The following NPIPB13 variants were observed in gnomAD, a reference collection of about 807,000 sequenced individuals.
The protein encoded by NPIPB13 is nuclear pore complex-interacting protein family member B13.
intron 5 of NPIPB13, among the ~76,000 whole-genome samples, chr16:30,230,583 G>C (rs896335935): frequency 6.5e-5 from 2 of 30,864 alleles, no homozygotes; most frequent in African/African-American, 1.3e-4. Context: ...TATGCCTGTA[G>C]TCCCAGCTAC....
At chr16:30,244,438 C>T (rs2073601110) in intron 2 of NPIPB13, among the ~76,000 whole-genome samples, 1 of 112,180 alleles carries the variant, frequency 8.9e-6, no homozygotes, top group African/African-American at 3.4e-5. Flanking sequence ...TGTGCCATTG[C>T]ACTCCAGCCT....
chr16:30,244,526 T>A (rs2073602416), intron 2 of NPIPB13, among the ~76,000 whole-genome samples: 1 of 116,590 alleles, frequency 8.6e-6, no homozygotes, highest in African/African-American at 3.4e-5. Context: ...TGTGTGTGTG[T>A]GTGTGTGTGT....
intron 5 of NPIPB13, among the ~76,000 whole-genome samples, chr16:30,229,074 GAAAAGGCA>G (rs1292941507): frequency 7.3e-6 from 1 of 137,264 alleles, no homozygotes; most frequent in African/African-American, 2.6e-5. Context: ...CTGGTTGAGA[GAAAAGGCA>G]ATCTGAATGC....
At chr16:30,228,908 T>G (rs1204365821) in intron 5 of NPIPB13, among the ~76,000 whole-genome samples, 1 of 152,306 alleles carries the variant, frequency 6.6e-6, no homozygotes, top group Non-Finnish European at 1.5e-5. Flanking sequence ...GCTCCTCATC[T>G]GACTCCTCCT....
intron 2 of NPIPB13, among the ~76,000 whole-genome samples, chr16:30,244,676 AAGG>A (rs1217727373): frequency 5.3e-5 from 3 of 56,310 alleles, no homozygotes; most frequent in Non-Finnish European, 6.7e-5. Context: ...AAAACAAATG[AAGG>A]AGAATAAAAA....
At chr16:30,246,663 GCCA>G (rs1247240901), upstream of NPIPB13, among the ~76,000 whole-genome samples, 5 of 80,372 alleles carry the variant, frequency 6.2e-5, no homozygotes, top group Admixed American at 2.6e-4. Flanking sequence ...GCTTTGGTGG[GCCA>G]CATTTTCCCT....
upstream of NPIPB13, among the ~76,000 whole-genome samples, chr16:30,246,324 A>G (rs2073612885): frequency 6.6e-6 from 1 of 151,330 alleles, no homozygotes; most frequent in Admixed American, 6.6e-5. Context: ...TCAGAGCCAC[A>G]GATGAGGCCA....
chr16:30,246,136 TATC>T (rs2073612055), upstream of NPIPB13, among the ~76,000 whole-genome samples: 1 of 71,542 alleles, frequency 1.4e-5, no homozygotes, highest in Non-Finnish European at 3.2e-5. Context: ...CTCCACCACT[TATC>T]AGCTGTGTGA....
chr16:30,232,552 G>A (rs1408979642), intron 3 of NPIPB13, among the ~76,000 whole-genome samples: 2 of 91,918 alleles, frequency 2.2e-5, no homozygotes, highest in African/African-American at 6.5e-5. Context: ...TGAATCACAA[G>A]GTCAAGAGAT....
Position 30,223,136 on chromosome 16 carries a change from TGG to T in NPIPB13, c.3308_3309del (p.Pro1103GlnfsTer7). 5.3e-6 allele frequency: 1 copy of T among 189,358 alleles called. No individual in the cohort carries two copies. The allele number at this position is 189,358 out of a possible 1,614,324, so 11.7% of individuals were successfully genotyped here. A position where few individuals can be genotyped will look rare whatever the true frequency, so the allele number is the denominator to read the frequency against. ...TCCACGTCACCGACCCTCCGCCTCT[TGG>T]GTTCGGGTGATGATGGTTCCACGTC... is the stretch of plus-strand genomic sequence containing the variant. On this transcript the variant is annotated frameshift_variant, in exon 8 of 8. Coordinates refer to ENST00000520915, the Ensembl canonical transcript of NPIPB13. LOFTEE classifies it high-confidence loss of function.
intron 5 of NPIPB13, among the ~76,000 whole-genome samples, chr16:30,229,038 AACTC>A: frequency 1.3e-5 from 2 of 150,042 alleles, no homozygotes; most frequent in Admixed American, 1.3e-4. Flanking sequence ...TCAGGACTGG[AACTC>A]TTGTCATCGA....
At position 30,244,521 on chromosome 16, in the gene NPIPB13, GT is replaced by G. The variant is rs1408324137; in HGVS notation, c.120+932del. 1.6e-4 allele frequency among the ~76,000 whole-genome samples: 18 copies of G among 115,184 alleles called. 2 individuals carry two copies. The highest frequency in any genetic ancestry group is 2.7e-4 in the Non-Finnish European group (15 of 55,974). 75.6% of individuals were successfully genotyped at this position (115,184 alleles called of 152,430 possible). A position where few individuals can be genotyped will look rare whatever the true frequency, so the allele number is the denominator to read the frequency against. ...TGTGTGTGTGTGTGTGTGTGTGTGT[GT>G]GTGTGTGTGTGTGTGTATCTATATA... On this transcript the variant is annotated intron_variant, in intron 2 of 7. Transcript: ENST00000520915.
intron 2 of NPIPB13, among the ~76,000 whole-genome samples, chr16:30,244,766 T>C (rs1316988024): frequency 2.2e-5 from 2 of 89,324 alleles, no homozygotes; most frequent in Non-Finnish European, 4.5e-5. Context: ...ATATATGTAC[T>C]ATAGAATGTA....
At chr16:30,232,533 C>T (rs368956313) in intron 3 of NPIPB13, among the ~76,000 whole-genome samples, 59 of 114,176 alleles carry the variant, frequency 5.2e-4, no homozygotes, top group African/African-American at 1.3e-3. Flanking sequence ...TTTGGGAGGC[C>T]GAGGCAGGTG....
At chr16:30,238,461 C>CTGTCTCAAAAA in intron 2 of NPIPB13, among the ~76,000 whole-genome samples, 1 of 65,416 alleles carries the variant, frequency 1.5e-5, no homozygotes, top group Non-Finnish European at 3.1e-5. Flanking sequence ...ATCACGAGGT[C>CTGTCTCAAAAA]AAGAGATGGA....
intron 3 of NPIPB13, among the ~76,000 whole-genome samples, chr16:30,232,472 A>G (rs1404755181): frequency 6.8e-6 from 1 of 148,120 alleles, no homozygotes; most frequent in Non-Finnish European, 1.5e-5. Context: ...TCTCAAAAAA[A>G]AAAAAAAAAA....
At chr16:30,226,411 CA>C in intron 7 of NPIPB13, 1 of 85,292 alleles carries the variant, frequency 1.2e-5, no homozygotes, top group Non-Finnish European at 2.3e-5. Context: ...TTGCAAGAGG[CA>C]GAGTGGAAGT....
upstream of NPIPB13, among the ~76,000 whole-genome samples, chr16:30,246,476 G>T: frequency 6.9e-6 from 1 of 145,892 alleles, no homozygotes. Context: ...AAGGACTTTT[G>T]TATTTTCCTC....
At chr16:30,232,465 C>G (rs1255807430) in intron 3 of NPIPB13, among the ~76,000 whole-genome samples, 1 of 115,334 alleles carries the variant, frequency 8.7e-6, no homozygotes, top group East Asian at 2.5e-4. Flanking sequence ...ACTCTTGTCT[C>G]AAAAAAAAAA....
Sources: gnomAD v4.1 joint callset for allele counts (sites outside exome capture counted in the v4.1 genomes callset) on GRCh38, gnomAD v4.1.1 for gene constraint, MANE v1.5 for transcripts, NCBI Gene and HGNC (gene_info 2026-07-23, HGNC 2026-07-21) for gene names.